The following THEMIS variants were observed in gnomAD, a reference collection of about 807,000 sequenced individuals.
THEMIS encodes the protein protein THEMIS.
A neutral mutation model predicts 52.6 loss-of-function variants in THEMIS; 37 were observed. That is an observed-to-expected ratio of 0.70 (90% CI 0.54 to 0.93). THEMIS has a LOEUF of 0.93. Among genes scored for constraint, THEMIS ranks in the 40% least tolerant of loss-of-function variants. The probability of loss-of-function intolerance (pLI) is 0.00; values close to 1 mark genes in which losing one functional copy is unlikely to be tolerated. For synonymous variants in THEMIS, 292 were observed against 272.7 expected (o/e 1.07, Z -0.70); for missense variants, 808 against 763.1 (o/e 1.06, Z -0.69).
intron 1 of THEMIS, among the ~76,000 whole-genome samples, chr6:127,875,652 T>C (rs1161772102): frequency 6.6e-6 from 1 of 152,246 alleles, no homozygotes; most frequent in Non-Finnish European, 1.5e-5. Flanking sequence ...AAGTTTTACA[T>C]ACATTTACTT....
At chr6:127,724,554 T>C (rs1248139254) in intron 4 of THEMIS, among the ~76,000 whole-genome samples, 1 of 152,140 alleles carries the variant, frequency 6.6e-6, no homozygotes, top group South Asian at 2.1e-4. Context: ...TGAACTGCCA[T>C]GCATCAGTCC....
intron 4 of THEMIS, among the ~76,000 whole-genome samples, chr6:127,756,313 C>T (rs1226937501): frequency 6.6e-6 from 1 of 152,128 alleles, no homozygotes; most frequent in Non-Finnish European, 1.5e-5. Context: ...TAATCAATTT[C>T]ACTTTTTTGC....
intron 4 of THEMIS, among the ~76,000 whole-genome samples, chr6:127,740,409 T>C (rs1775158721): frequency 6.7e-6 from 1 of 149,904 alleles, no homozygotes; most frequent in Admixed American, 6.6e-5. Flanking sequence ...TAAATGTTGC[T>C]AAAAAAAACT....
chr6:127,777,058 A>T (rs1030084771), intron 4 of THEMIS, among the ~76,000 whole-genome samples: 3 of 151,830 alleles, frequency 2.0e-5, no homozygotes, highest in African/African-American at 7.3e-5. Context: ...TTTACAATAC[A>T]TTTTCTGTAG....
intron 4 of THEMIS, among the ~76,000 whole-genome samples, chr6:127,761,516 C>G (rs1308084917): frequency 2.0e-5 from 3 of 152,018 alleles, no homozygotes; most frequent in Admixed American, 2.0e-4. Flanking sequence ...AAAATCATAC[C>G]CAGGGGTGGA....
chr6:127,788,584 A>AT (rs1777055415), intron 4 of THEMIS, among the ~76,000 whole-genome samples: 1 of 152,208 alleles, frequency 6.6e-6, no homozygotes, highest in South Asian at 2.1e-4. Flanking sequence ...ACTCAATTGT[A>AT]TTTTCAGATT....
At chr6:127,769,793 T>G (rs1776319126) in intron 4 of THEMIS, among the ~76,000 whole-genome samples, 1 of 151,494 alleles carries the variant, frequency 6.6e-6, no homozygotes, top group Middle Eastern at 3.4e-3. Context: ...TCCAACCCCA[T>G]GACAGTGTGT....
At chr6:127,701,547 T>C in the THEMIS span, among the ~76,000 whole-genome samples, 1 of 152,104 alleles carries the variant, frequency 6.6e-6, no homozygotes, top group African/African-American at 2.4e-5. Flanking sequence ...TTTGGTTTTG[T>C]TGGATTTACA....
chr6:127,741,952 A>G (rs913633001), intron 4 of THEMIS, among the ~76,000 whole-genome samples: 1 of 152,210 alleles, frequency 6.6e-6, no homozygotes, highest in African/African-American at 2.4e-5. Context: ...AAATACAGGG[A>G]GAGTGGGCAA....
At chr6:127,728,687 C>T (rs555452523) in intron 4 of THEMIS, among the ~76,000 whole-genome samples, 86 of 152,202 alleles carry the variant, frequency 5.7e-4, no homozygotes, top group African/African-American at 1.9e-3. Flanking sequence ...GAATTCCCTG[C>T]CCTCCTTGTG....
At chr6:127,773,339 T>A (rs1368645896) in intron 4 of THEMIS, among the ~76,000 whole-genome samples, 3 of 152,208 alleles carry the variant, frequency 2.0e-5, no homozygotes, top group African/African-American at 7.2e-5. Flanking sequence ...ATATGCCAAA[T>A]TCTAATGCTA....
chr6:127,700,640 T>C, the THEMIS span, among the ~76,000 whole-genome samples: 1 of 151,980 alleles, frequency 6.6e-6, no homozygotes. Flanking sequence ...TATGAGATCA[T>C]CCCAATGGAA....
At chr6:127,774,347 G>A (rs1776485838) in intron 4 of THEMIS, among the ~76,000 whole-genome samples, 1 of 152,132 alleles carries the variant, frequency 6.6e-6, no homozygotes, top group Admixed American at 6.5e-5. Context: ...CTGGGACTAA[G>A]GGCGCCAGCC....
At chr6:127,886,142 G>C (rs1026408680) in intron 1 of THEMIS, among the ~76,000 whole-genome samples, 1 of 152,014 alleles carries the variant, frequency 6.6e-6, no homozygotes, top group South Asian at 2.1e-4. Context: ...CCCTCAACTT[G>C]AAACACCATT....
At chr6:127,877,514 C>T (rs1447009065) in intron 1 of THEMIS, among the ~76,000 whole-genome samples, 1 of 152,046 alleles carries the variant, frequency 6.6e-6, no homozygotes, top group Non-Finnish European at 1.5e-5. Flanking sequence ...TATTAATTTG[C>T]CTAATTTCGA....
intron 4 of THEMIS, among the ~76,000 whole-genome samples, chr6:127,778,326 C>T (rs1479767593): frequency 1.3e-5 from 2 of 152,016 alleles, no homozygotes; most frequent in Admixed American, 6.6e-5. Context: ...GCTAGTTTTC[C>T]TCCTTCTCAA....
chr6:127,852,002 A>T (rs1414115465), intron 2 of THEMIS, among the ~76,000 whole-genome samples: 1 of 151,700 alleles, frequency 6.6e-6, no homozygotes, highest in East Asian at 1.9e-4. Flanking sequence ...TAATCATGTC[A>T]TCATACGTCG....
At chr6:127,722,125 A>G (rs1471988518) in intron 4 of THEMIS, among the ~76,000 whole-genome samples, 1 of 152,026 alleles carries the variant, frequency 6.6e-6, no homozygotes, top group East Asian at 1.9e-4. Context: ...TAAACATATT[A>G]GTGTTTCAGT....
At chr6:127,909,209 T>C (rs982954861) in intron 1 of THEMIS, among the ~76,000 whole-genome samples, 2 of 151,988 alleles carry the variant, frequency 1.3e-5, no homozygotes, top group Non-Finnish European at 2.9e-5. Context: ...AAACTGTGAG[T>C]TACAAATAAC....
Sources: allele counts gnomAD v4.1 joint callset (sites outside exome capture counted in the v4.1 genomes callset), GRCh38; gene constraint gnomAD v4.1.1; transcripts MANE v1.5; gene names NCBI Gene and HGNC (gene_info 2026-07-23, HGNC 2026-07-21).